RAB3C: variants seen among roughly 807,000 people sequenced by gnomAD.
RAB3C encodes the protein ras-related protein Rab-3C.
A neutral mutation model predicts 26.4 loss-of-function variants in RAB3C; 17 were observed. That is an observed-to-expected ratio of 0.64 (90% CI 0.44 to 0.97). The LOEUF is 0.97. Among genes scored for constraint, RAB3C ranks in the 50% least tolerant of loss-of-function variants. RAB3C has a pLI of 0.00. For missense variants in RAB3C, 242 were observed against 281.9 expected, an observed-to-expected ratio of 0.86 and a Z score of 1.01; for synonymous variants, 91 against 95.9, an observed-to-expected ratio of 0.95 and a Z score of 0.30.
chr5:58,685,621 T>G (rs1748430551), intron 2 of RAB3C, among the ~76,000 whole-genome samples: 1 of 152,164 alleles, frequency 6.6e-6, no homozygotes, highest in South Asian at 2.1e-4. Flanking sequence ...AATAACTTCT[T>G]CTCTGAGAGA....
chr5:58,833,878 G>A (rs1016248498), intron 4 of RAB3C, among the ~76,000 whole-genome samples: 2 of 152,142 alleles, frequency 1.3e-5, no homozygotes, highest in Non-Finnish European at 2.9e-5. Context: ...ACACATAGGA[G>A]GACAGTGGGA....
intron 2 of RAB3C, among the ~76,000 whole-genome samples, chr5:58,619,344 T>G (rs1156879436): frequency 6.6e-6 from 1 of 152,202 alleles, no homozygotes; most frequent in Non-Finnish European, 1.5e-5. Flanking sequence ...CTCCTCTGTA[T>G]GGAGACAGAA....
chr5:58,840,342 C>A (rs1447897178), intron 4 of RAB3C, among the ~76,000 whole-genome samples: 1 of 152,084 alleles, frequency 6.6e-6, no homozygotes, highest in African/African-American at 2.4e-5. Context: ...TGATACCCAT[C>A]TCTTTGTCGA....
intron 2 of RAB3C, among the ~76,000 whole-genome samples, chr5:58,655,783 C>T (rs926367868): frequency 1.4e-5 from 2 of 146,918 alleles, no homozygotes; most frequent in African/African-American, 5.0e-5. Context: ...AAAGTAAAAC[C>T]TAACTCTTTT....
chr5:58,628,085 A>G (rs1405876561), intron 2 of RAB3C, among the ~76,000 whole-genome samples: 1 of 129,020 alleles, frequency 7.8e-6, no homozygotes, highest in Admixed American at 9.5e-5. Flanking sequence ...TGAACCTGGG[A>G]GGCAGGGGTT....
rs1174950630 is a variant in RAB3C, at chr5:58,851,354, TCCC to T, written c.*5_*7del. The T allele has an allele frequency of 6.3e-7, 1 of 1,590,570 alleles. No homozygotes were observed. The highest frequency in any genetic ancestry group is 1.8e-5 in the Admixed American group (1 of 55,278). On this transcript the variant is annotated 3_prime_UTR_variant, in exon 5 of 5. Transcript: ENST00000282878. Reference sequence around the variant, plus strand: ...CGCAGCCCAACTGTGCCTGCTAGTGTCCCCGTGCACACAGGCAGCTCCAGGGGG... The same window carrying T: ...CGCAGCCCAACTGTGCCTGCTAGTGTCGTGCACACAGGCAGCTCCAGGGGG...
At chr5:58,583,266 A>T (rs763649853) in intron 1 of RAB3C, 34 bp downstream of exon 1, 15 of 1,613,694 alleles carry the variant, frequency 9.3e-6, no homozygotes, top group Non-Finnish European at 1.3e-5. Flanking sequence ...CCTCGGGAGG[A>T]ATTGAAAGAG....
chr5:58,835,575 T>A (rs1410079120), intron 4 of RAB3C, among the ~76,000 whole-genome samples: 1 of 152,228 alleles, frequency 6.6e-6, no homozygotes, highest in Admixed American at 6.5e-5. Context: ...GGCTCAGAAC[T>A]TCACCTTTGC....
chr5:58,740,966 C>G (rs1209300628), intron 3 of RAB3C, among the ~76,000 whole-genome samples: 1 of 152,168 alleles, frequency 6.6e-6, no homozygotes, highest in Non-Finnish European at 1.5e-5. Context: ...TCAGGGCCAC[C>G]CTCACTTCTG....
chr5:58,832,100 G>A (rs1272203959), intron 4 of RAB3C, among the ~76,000 whole-genome samples: 2 of 152,314 alleles, frequency 1.3e-5, no homozygotes, highest in East Asian at 1.9e-4. Context: ...TCATGGTGGG[G>A]CTCGTGCTGC....
At chr5:58,643,990 T>C (rs1329841325) in intron 2 of RAB3C, among the ~76,000 whole-genome samples, 1 of 151,940 alleles carries the variant, frequency 6.6e-6, no homozygotes, top group Non-Finnish European at 1.5e-5. Context: ...CTGACTAATT[T>C]TCGTACTTTT....
chr5:58,835,763 G>A (rs1224805084), intron 4 of RAB3C, among the ~76,000 whole-genome samples: 2 of 152,124 alleles, frequency 1.3e-5, no homozygotes, highest in African/African-American at 2.4e-5. Context: ...ATAAATAGCA[G>A]TATTACTTAC....
intron 3 of RAB3C, among the ~76,000 whole-genome samples, chr5:58,802,344 G>C (rs968168080): frequency 6.6e-6 from 1 of 152,100 alleles, no homozygotes; most frequent in African/African-American, 2.4e-5. Flanking sequence ...CCCTCTTCAG[G>C]GTTCTTTATT....
At chr5:58,606,883 A>G (rs1746585139) in intron 1 of RAB3C, among the ~76,000 whole-genome samples, 1 of 152,226 alleles carries the variant, frequency 6.6e-6, no homozygotes, top group Admixed American at 6.5e-5. Flanking sequence ...AACAAAAAGG[A>G]CATCCACACC....
rs1478527340 is a variant in RAB3C, at chr5:58,693,334, G to GTATATATATATATA, written c.253-32667_253-32666insATATATATATATAT. ...TAAAATTAAGAAATTATATATATAT[G>GTATATATATATATA]TGTATATATATATATATATATATAT... On this transcript the variant is annotated intron_variant, in intron 2 of 4. Coordinates refer to ENST00000282878, the MANE Select transcript of RAB3C (RefSeq NM_138453.4). 4.1e-3 allele frequency among the ~76,000 whole-genome samples: 341 copies of GTATATATATATATA among 83,778 alleles called. 15 individuals are homozygous for GTATATATATATATA. The highest frequency in any genetic ancestry group is 0.015 in the African/African-American group (325 of 21,458). The allele number at this position is 83,778 out of a possible 152,430, so 55.0% of individuals were successfully genotyped here.
At chr5:58,759,520 G>A (rs182920525) in intron 3 of RAB3C, among the ~76,000 whole-genome samples, 100 of 152,212 alleles carry the variant, frequency 6.6e-4, no homozygotes, top group African/African-American at 2.1e-3. Context: ...TTTTGTCCTC[G>A]GAAGAGAAGA....
chr5:58,827,015 C>T (rs980050554), intron 4 of RAB3C, among the ~76,000 whole-genome samples: 1 of 152,210 alleles, frequency 6.6e-6, no homozygotes, highest in Non-Finnish European at 1.5e-5. Flanking sequence ...ATTCTTAGAG[C>T]CACCCAGGAG....
At chr5:58,610,341 T>C (rs1279631086) in intron 1 of RAB3C, among the ~76,000 whole-genome samples, 1 of 152,028 alleles carries the variant, frequency 6.6e-6, no homozygotes, top group African/African-American at 2.4e-5. Flanking sequence ...GGCTGTGCCA[T>C]TTTAAACAGT....
At chr5:58,842,505 A>G (rs1743897448) in intron 4 of RAB3C, among the ~76,000 whole-genome samples, 1 of 152,164 alleles carries the variant, frequency 6.6e-6, no homozygotes, top group South Asian at 2.1e-4. Flanking sequence ...AAGCCATTAG[A>G]ATAGTTTTCT....
Sources: gnomAD v4.1 joint callset for allele counts (sites outside exome capture counted in the v4.1 genomes callset) on GRCh38, gnomAD v4.1.1 for gene constraint, MANE v1.5 for transcripts, NCBI Gene and HGNC (gene_info 2026-07-23, HGNC 2026-07-21) for gene names.